Variants in PLPPR4 observed in about 807,000 individuals in gnomAD.
PLPPR4 encodes phospholipid phosphatase related 4, also known as phospholipid phosphatase-related protein type 4.
Under a neutral mutation model 56.6 loss-of-function variants are expected in PLPPR4, and 24 were observed. The observed-to-expected ratio is 0.42, with a 90% CI of 0.31 to 0.60. The LOEUF (loss-of-function observed/expected upper bound fraction) is 0.60. Among genes scored for constraint, PLPPR4 ranks in the 20% least tolerant of loss-of-function variants. PLPPR4 has a pLI of 0.13. For missense variants in PLPPR4, 654 were observed against 885.8 expected, an observed-to-expected ratio of 0.74 and a Z score of 3.32; for synonymous variants, 326 against 328.1, an observed-to-expected ratio of 0.99 and a Z score of 0.07.
intron 1 of PLPPR4, among the ~76,000 whole-genome samples, chr1:99,266,138 A>C (rs923511354): frequency 6.6e-6 from 1 of 152,240 alleles, no homozygotes; most frequent in African/African-American, 2.4e-5. Flanking sequence ...GAAAATGGTG[A>C]AGGAATAGAA....
chr1:99,285,629 G>A (rs712887), intron 1 of PLPPR4, among the ~76,000 whole-genome samples: 70,048 of 151,424 alleles, frequency 0.46, 16,287 homozygotes, highest in East Asian at 0.56. Context: ...TTTTTTTTCC[G>A]GTAAACCTAA....
chr1:99,300,981 C>CT lies in PLPPR4; in HGVS notation c.648+21dup. On this transcript the variant is annotated intron_variant, in intron 5 of 6. Transcript: ENST00000370185. ...TGTATGTTTCGGTAAGTAACTGGTT[C>CT]TTTTTTGTTAAGTTGTGTTCTACAG... 1 of 1,608,936 alleles carries CT rather than the reference C, an allele frequency of 6.2e-7. No homozygotes were observed.
intron 1 of PLPPR4, among the ~76,000 whole-genome samples, chr1:99,270,013 G>GTGTGTGTGTGTGTT (rs1286751937): frequency 1.3e-3 from 191 of 150,214 alleles, no homozygotes; most frequent in Admixed American, 2.0e-3. Context: ...GTGTGTGTGT[G>GTGTGTGTGTGTGTT]TGTGTGTGTG....
intron 1 of PLPPR4, among the ~76,000 whole-genome samples, chr1:99,268,658 T>C (rs1011495504): frequency 9.9e-5 from 15 of 152,236 alleles, no homozygotes; most frequent in Non-Finnish European, 2.1e-4. Context: ...TTTTTAGTTT[T>C]GCACCTCATT....
chr1:99,286,017 C>A (rs894930899), intron 1 of PLPPR4, among the ~76,000 whole-genome samples: 1 of 152,174 alleles, frequency 6.6e-6, no homozygotes, highest in African/African-American at 2.4e-5. Context: ...TAGTGCCTAG[C>A]ACATTCACAC....
chr1:99,266,609 A>G (rs1658906714), intron 1 of PLPPR4, among the ~76,000 whole-genome samples: 1 of 152,228 alleles, frequency 6.6e-6, no homozygotes, highest in Non-Finnish European at 1.5e-5. Flanking sequence ...CTATTCAGAT[A>G]CCCTCTATGA....
intron 4 of PLPPR4, among the ~76,000 whole-genome samples, chr1:99,299,636 TA>T (rs5776466): frequency 0.056 from 8,472 of 151,846 alleles, 760 homozygotes; most frequent in African/African-American, 0.19. Flanking sequence ...ATATGTTCCA[TA>T]AAAAAAATGT....
At chr1:99,300,994 T>C (rs371421404) in intron 5 of PLPPR4, 28 bp downstream of exon 5, 2 of 1,596,490 alleles carry the variant, frequency 1.3e-6, no homozygotes, top group Non-Finnish European at 1.7e-6. Context: ...TTTTGTTAAG[T>C]TGTGTTCTAC....
rs1660129846 is a variant in PLPPR4 at position 99,309,425 on chromosome 1, A to G, written c.*2415A>G. ...AAAATTATGAAAATATATATAGTATATATAAAGTACTGTGTTTAAAAAAAT... is the reference window on the plus strand; with the variant it reads ...AAAATTATGAAAATATATATAGTATGTATAAAGTACTGTGTTTAAAAAAAT... On this transcript the variant is annotated 3_prime_UTR_variant, in exon 7 of 7. Transcript: ENST00000370185. 6.6e-6 allele frequency: 1 copy of G among 152,362 alleles called. No individual in the cohort carries two copies. The highest frequency in any genetic ancestry group is 2.1e-4 in the South Asian group (1 of 4,834). The allele number at this position is 152,362 out of a possible 1,614,324, so 9.4% of individuals were successfully genotyped here.
chr1:99,276,542 A>T (rs1006073790), intron 1 of PLPPR4, among the ~76,000 whole-genome samples: 2 of 152,120 alleles, frequency 1.3e-5, no homozygotes, highest in Non-Finnish European at 2.9e-5. Context: ...TTATATGTCA[A>T]TTTAAATCTC....
At chr1:99,272,825 A>G (rs1442228879) in intron 1 of PLPPR4, among the ~76,000 whole-genome samples, 2 of 152,126 alleles carry the variant, frequency 1.3e-5, no homozygotes, top group Non-Finnish European at 2.9e-5. Flanking sequence ...TTTTTCATAC[A>G]TTATCTCATC....
chr1:99,297,483 C>A (rs944453477), intron 3 of PLPPR4, among the ~76,000 whole-genome samples: 1 of 152,102 alleles, frequency 6.6e-6, no homozygotes, highest in Non-Finnish European at 1.5e-5. Context: ...TAATGTTGTT[C>A]CAGTCATAGG....
At chr1:99,285,460 A>C (rs1659440327) in intron 1 of PLPPR4, among the ~76,000 whole-genome samples, 1 of 152,144 alleles carries the variant, frequency 6.6e-6, no homozygotes, top group African/African-American at 2.4e-5. Context: ...TTCGTGCACT[A>C]TAGGAGAGGG....
At chr1:99,268,347 G>C (rs1167016936) in intron 1 of PLPPR4, among the ~76,000 whole-genome samples, 1 of 152,208 alleles carries the variant, frequency 6.6e-6, no homozygotes, top group African/African-American at 2.4e-5. Flanking sequence ...CCCTCAACAA[G>C]AACTCTGGAT....
intron 6 of PLPPR4, 68 bp downstream of exon 6, chr1:99,301,965 C>A: frequency 9.4e-7 from 1 of 1,064,592 alleles, no homozygotes; most frequent in Non-Finnish European, 1.3e-6. Flanking sequence ...ATATTTTGCA[C>A]TATAATAGCT....
At chr1:99,302,004 A>G in intron 6 of PLPPR4, 107 bp downstream of exon 6, 1 of 703,670 alleles carries the variant, frequency 1.4e-6, no homozygotes, top group Non-Finnish European at 2.1e-6. Flanking sequence ...TATAAATGAG[A>G]AAATCTCTGG....
intron 1 of PLPPR4, among the ~76,000 whole-genome samples, chr1:99,284,046 T>C (rs1003604165): frequency 3.3e-5 from 5 of 152,214 alleles, no homozygotes; most frequent in African/African-American, 9.6e-5. Context: ...CTTGGCTATG[T>C]AGACTTTTAA....
Position 99,309,312 on chromosome 1 carries a change from T to G in PLPPR4, c.*2302T>G, listed in dbSNP as rs1187156994. On this transcript the variant is annotated 3_prime_UTR_variant, in exon 7 of 7. Coordinates refer to ENST00000370185, the MANE Select transcript of PLPPR4 (RefSeq NM_014839.5). ...GTGTTCTATTTATCTTATTTGCTAA[T>G]GGGAGCACTTCTTCCTTTGTTAGGC... 1 of 152,488 alleles carries G rather than the reference T, an allele frequency of 6.6e-6. No individual in the cohort carries two copies. Among genetic ancestry groups the G allele is most frequent in the African/African-American group, 2.4e-5 (1 of 41,446 alleles). 9.4% of individuals were successfully genotyped at this position (152,488 alleles called of 1,614,324 possible).
At chr1:99,263,222 C>G (rs1162129123), upstream of PLPPR4, among the ~76,000 whole-genome samples, 2 of 152,042 alleles carry the variant, frequency 1.3e-5, no homozygotes, top group Admixed American at 1.3e-4. Flanking sequence ...TTTTCTCCAG[C>G]CACTTTCAGT....
Sources: gnomAD v4.1 joint callset for allele counts (sites outside exome capture counted in the v4.1 genomes callset) on GRCh38, gnomAD v4.1.1 for gene constraint, MANE v1.5 for transcripts, NCBI Gene and HGNC (gene_info 2026-07-23, HGNC 2026-07-21) for gene names.